CAPN13: variants seen among roughly 807,000 people sequenced by gnomAD.
The protein encoded by CAPN13 is calpain 13.
CAPN13 carries 90 observed loss-of-function variants against 98.4 expected under a neutral mutation model. That is an observed-to-expected ratio of 0.92 (90% CI 0.77 to 1.09). CAPN13 has a LOEUF of 1.09. Among genes scored for constraint, CAPN13 ranks in the 50% least tolerant of loss-of-function variants. CAPN13 has a pLI of 0.00. For synonymous variants in CAPN13, 330 were observed against 305.5 expected (o/e 1.08, Z -0.84); for missense variants, 887 against 841.3 (o/e 1.05, Z -0.67).
intron 11 of CAPN13, among the ~76,000 whole-genome samples, chr2:30,748,609 G>C (rs756096950): frequency 6.6e-6 from 1 of 152,136 alleles, no homozygotes; most frequent in Admixed American, 6.6e-5. Context: ...TGGGTCACAA[G>C]TCTACAACTT....
At chr2:30,741,647 C>CA (rs1467094621) in intron 15 of CAPN13, 1 of 1,316,842 alleles carries the variant, frequency 7.6e-7, no homozygotes, top group Non-Finnish European at 9.7e-7. Flanking sequence ...ATGCACCTCA[C>CA]ACCCCATAAT....
chr2:30,734,399 A>AC (rs1009507279), intron 19 of CAPN13, 50 bp downstream of exon 19: 2 of 1,456,186 alleles, frequency 1.4e-6, no homozygotes. Context: ...TGTGGGCATC[A>AC]CCCCCCTCCC....
At chr2:30,788,850 T>A (rs570767782) in intron 1 of CAPN13, among the ~76,000 whole-genome samples, 1 of 152,192 alleles carries the variant, frequency 6.6e-6, no homozygotes, top group African/African-American at 2.4e-5. Context: ...TTGGAGAGAA[T>A]TGTGCATACA....
At chr2:30,779,850 G>A (rs1673897146) in intron 2 of CAPN13, among the ~76,000 whole-genome samples, 1 of 151,902 alleles carries the variant, frequency 6.6e-6, no homozygotes, top group South Asian at 2.1e-4. Flanking sequence ...GCCAATAATG[G>A]TTTTTGCCAT....
intron 2 of CAPN13, among the ~76,000 whole-genome samples, chr2:30,779,169 G>A (rs778379342): frequency 2.0e-5 from 3 of 152,184 alleles, no homozygotes; most frequent in Non-Finnish European, 4.4e-5. Flanking sequence ...CTTGGCCACA[G>A]CTCTTCTTCA....
At chr2:30,794,609 A>G (rs913749703) in intron 1 of CAPN13, among the ~76,000 whole-genome samples, 9 of 151,958 alleles carry the variant, frequency 5.9e-5, no homozygotes, top group Non-Finnish European at 1.2e-4. Context: ...ATCAAAACAG[A>G]CATATTTAAT....
At chr2:30,791,455 G>C (rs898021130) in intron 1 of CAPN13, among the ~76,000 whole-genome samples, 1 of 152,142 alleles carries the variant, frequency 6.6e-6, no homozygotes, top group South Asian at 2.1e-4. Flanking sequence ...CTGTGAAGCA[G>C]TTGCTTCATG....
Position 30,787,119 on chromosome 2 carries a change from C to T in CAPN13, c.198+9G>A. 6.5e-7 allele frequency: 1 copy of T among 1,547,752 alleles called. No individual in the cohort carries two copies. The highest frequency in any genetic ancestry group is 8.7e-7 in the Non-Finnish European group (1 of 1,146,290). ...TGGAGCTGGGTATGCTCGTGTGGGG[C>T]TCACTCACCTGTGGCCGCTTCCATA... On this transcript the variant is annotated intron_variant, in intron 2 of 22. Transcript: ENST00000295055.
chr2:30,793,285 T>G (rs942363977), intron 1 of CAPN13, among the ~76,000 whole-genome samples: 1 of 151,598 alleles, frequency 6.6e-6, no homozygotes, highest in Non-Finnish European at 1.5e-5. Context: ...AGATACAAGG[T>G]TAATATTAAA....
At chr2:30,756,177 C>A (rs116165093) in intron 8 of CAPN13, among the ~76,000 whole-genome samples, 1,576 of 152,248 alleles carry the variant, frequency 0.01, 23 homozygotes, top group African/African-American at 0.036. Flanking sequence ...TATGCCCATG[C>A]CTGCAGGGGA....
intron 15 of CAPN13, chr2:30,741,515 T>G (rs1363962360): frequency 9.5e-7 from 1 of 1,055,150 alleles, no homozygotes; most frequent in African/African-American, 1.7e-5. Context: ...ATGCTGTATG[T>G]GCTTTCTGAA....
At chr2:30,787,773 G>A (rs1051277867) in intron 1 of CAPN13, among the ~76,000 whole-genome samples, 1 of 152,176 alleles carries the variant, frequency 6.6e-6, no homozygotes, top group Non-Finnish European at 1.5e-5. Context: ...GGGGCAGAGA[G>A]GGTGGGTAGG....
At chr2:30,767,683 A>G (rs1673179474) in intron 5 of CAPN13, among the ~76,000 whole-genome samples, 1 of 152,250 alleles carries the variant, frequency 6.6e-6, no homozygotes, top group Non-Finnish European at 1.5e-5. Context: ...GCTAATGAGC[A>G]GCTGTTTCTG....
intron 2 of CAPN13, among the ~76,000 whole-genome samples, 179 bp downstream of exon 2, chr2:30,786,949 G>C (rs1452180631): frequency 6.6e-6 from 1 of 152,192 alleles, no homozygotes; most frequent in Non-Finnish European, 1.5e-5. Flanking sequence ...CTGGGCTCCT[G>C]GTTCCTGCTA....
At chr2:30,762,103 G>A (rs142333478) in intron 7 of CAPN13, among the ~76,000 whole-genome samples, 8 of 152,194 alleles carry the variant, frequency 5.3e-5, no homozygotes, top group East Asian at 3.8e-4. Context: ...TGCTGTCACC[G>A]CAAGTGTGGT....
intron 17 of CAPN13, 148 bp downstream of exon 17, chr2:30,738,087 A>G (rs1435570156): frequency 7.9e-6 from 6 of 763,860 alleles, no homozygotes; most frequent in Admixed American, 4.1e-5. Flanking sequence ...TTAGTGAGTT[A>G]GTAGAGAATC....
intron 9 of CAPN13, 52 bp from the exon 10 acceptor site, chr2:30,753,250 G>T (rs1469853533): frequency 1.9e-6 from 3 of 1,596,836 alleles, no homozygotes; most frequent in Non-Finnish European, 1.7e-6. Context: ...TGTCCCCAGG[G>T]TGGGGGTTCC....
intron 13 of CAPN13, 173 bp downstream of exon 13, chr2:30,743,210 T>C: frequency 1.5e-6 from 1 of 654,340 alleles, no homozygotes; most frequent in East Asian, 2.6e-5. Context: ...TCTTGGTTCA[T>C]AGACTTTCTC....
chr2:30,789,376 G>A (rs1674491366), intron 1 of CAPN13, among the ~76,000 whole-genome samples: 1 of 152,130 alleles, frequency 6.6e-6, no homozygotes, highest in Non-Finnish European at 1.5e-5. Flanking sequence ...TTCTAGCAAT[G>A]AGCTAGTTTT....
Sources: gnomAD v4.1 joint callset for allele counts (sites outside exome capture counted in the v4.1 genomes callset) on GRCh38, gnomAD v4.1.1 for gene constraint, MANE v1.5 for transcripts, NCBI Gene and HGNC (gene_info 2026-07-23, HGNC 2026-07-21) for gene names.